CXADR: variants seen among roughly 807,000 people sequenced by gnomAD.
CXADR encodes the protein CXADR cell adhesion molecule.
Under a neutral mutation model 40.3 loss-of-function variants are expected in CXADR, and 20 were observed. The ratio of observed to expected loss-of-function variants is 0.50; its 90% CI spans 0.35 to 0.72. The LOEUF (loss-of-function observed/expected upper bound fraction) is 0.72. CXADR is among the 30% of genes least tolerant of loss of function. CXADR has a pLI of 0.01. For missense variants in CXADR, 332 were observed against 449.1 expected (o/e 0.74, Z 2.36); for synonymous variants, 150 against 161.3 (o/e 0.93, Z 0.53).
At chr21:17,624,477 C>T in the CXADR span, among the ~76,000 whole-genome samples, 1 of 152,070 alleles carries the variant, frequency 6.6e-6, no homozygotes, top group African/African-American at 2.4e-5. Flanking sequence ...CTCATGGGTC[C>T]CCATATCTCA....
rs1354885543 is a variant in CXADR at position 17,547,191 on chromosome 21, G to A, written c.208G>A (p.Val70Met). 3 of 1,614,074 alleles carry A rather than the reference G, an allele frequency of 1.9e-6. No homozygotes were observed. The highest frequency in any genetic ancestry group is 1.1e-5 in the South Asian group (1 of 91,092). ...AGCTGATAATCAGAAGGTGGATCAAGTGGTAAGTTTGATATGTCCTTGCTC... is the reference window on the plus strand; with the variant it reads ...AGCTGATAATCAGAAGGTGGATCAAATGGTAAGTTTGATATGTCCTTGCTC... Reference protein sequence around the residue: ...SPADNQKVDQVIILYSGDKIY... With the variant: ...SPADNQKVDQMIILYSGDKIY... The change falls in exon 2 of 7, where the codon GTG becomes ATG. Residue 70 changes from valine (V) to methionine (M), a missense_variant and splice_region_variant. Val to Met is a conservative substitution (Grantham distance 21). Around this residue, in one of 3 missense-constraint regions of CXADR, gnomAD observed 162 missense variants for 198.5 expected, o/e 0.82. Coordinates refer to ENST00000284878, the MANE Select transcript of CXADR (RefSeq NM_001338.5).
intron 1 of CXADR, among the ~76,000 whole-genome samples, chr21:17,523,144 T>C (rs80256373): frequency 6.6e-6 from 1 of 152,308 alleles, no homozygotes; most frequent in African/African-American, 2.4e-5. Context: ...AGGCACATCC[T>C]GTTACTTACT....
intron 1 of CXADR, among the ~76,000 whole-genome samples, chr21:17,545,723 G>GTGACTTAGTTCCCTGTGTGTTTGT (rs2060887656): frequency 6.6e-6 from 1 of 151,544 alleles, no homozygotes; most frequent in African/African-American, 2.4e-5. Context: ...GAAATAAAAA[G>GTGACTTAGTTCCCTGTGTGTTTGT]GGATGAACAG....
At chr21:17,558,386 G>A (rs1254429724) in intron 3 of CXADR, among the ~76,000 whole-genome samples, 2 of 152,052 alleles carry the variant, frequency 1.3e-5, no homozygotes, top group African/African-American at 4.8e-5. Context: ...CACTGTCTTG[G>A]CCTCCAAAGT....
chr21:17,580,171 C>A (rs541239395), intron 7 of CXADR, among the ~76,000 whole-genome samples: 1 of 152,200 alleles, frequency 6.6e-6, no homozygotes, highest in Admixed American at 6.5e-5. Context: ...TGAAAACAGC[C>A]GTTTATTAAA....
At chr21:17,522,286 T>C (rs1476688395) in intron 1 of CXADR, among the ~76,000 whole-genome samples, 1 of 151,800 alleles carries the variant, frequency 6.6e-6, no homozygotes, top group Non-Finnish European at 1.5e-5. Flanking sequence ...GTAGCTGGGA[T>C]TACAGGCATG....
chr21:17,532,554 G>A (rs949496280), intron 1 of CXADR, among the ~76,000 whole-genome samples: 16 of 152,274 alleles, frequency 1.1e-4, no homozygotes, highest in Non-Finnish European at 2.1e-4. Context: ...GGACACCGAT[G>A]ATGTTCTAAT....
intron 1 of CXADR, among the ~76,000 whole-genome samples, chr21:17,528,068 C>CTTTTTTTTTTTT (rs35477813): frequency 4.3e-4 from 34 of 78,346 alleles, no homozygotes; most frequent in East Asian, 1.5e-3. Context: ...TTAGTTCTTT[C>CTTTTTTTTTTTT]TTTTTTTTTT....
chr21:17,551,062 G>C (rs1019860724), intron 2 of CXADR, among the ~76,000 whole-genome samples: 3 of 152,064 alleles, frequency 2.0e-5, no homozygotes, highest in African/African-American at 7.3e-5. Context: ...GTTACACTTG[G>C]TTGGCAAACT....
At chr21:17,539,984 A>C (rs992234613) in intron 1 of CXADR, among the ~76,000 whole-genome samples, 2 of 152,200 alleles carry the variant, frequency 1.3e-5, no homozygotes, top group African/African-American at 2.4e-5. Context: ...AATACCATAG[A>C]TGCCTTAAAC....
At chr21:17,539,759 A>G (rs2060803621) in intron 1 of CXADR, among the ~76,000 whole-genome samples, 1 of 151,964 alleles carries the variant, frequency 6.6e-6, no homozygotes, top group Non-Finnish European at 1.5e-5. Flanking sequence ...TCGTGTCTTT[A>G]TTGGCTAATG....
chr21:17,538,270 G>A (rs949366075), intron 1 of CXADR, among the ~76,000 whole-genome samples: 1 of 152,138 alleles, frequency 6.6e-6, no homozygotes. Flanking sequence ...ACAGTGCTGG[G>A]ATTACAGGTG....
chr21:17,562,580 C>G (rs2061139368), intron 6 of CXADR, among the ~76,000 whole-genome samples: 1 of 152,236 alleles, frequency 6.6e-6, no homozygotes, highest in South Asian at 2.1e-4. Context: ...AAGATGTCAA[C>G]CTGTCCTTTA....
the CXADR span, among the ~76,000 whole-genome samples, chr21:17,601,183 T>C: frequency 1.4e-4 from 21 of 151,100 alleles, no homozygotes; most frequent in African/African-American, 4.9e-4. Context: ...AAAAAGTTGC[T>C]ACGGGATGGT....
At chr21:17,605,055 A>G in the CXADR span, 2 of 1,572,420 alleles carry the variant, frequency 1.3e-6, no homozygotes, top group Admixed American at 1.7e-5. Context: ...TAAACGCCGT[A>G]ATATCTATTC....
the CXADR span, among the ~76,000 whole-genome samples, chr21:17,599,489 T>TTC: frequency 2.7e-5 from 4 of 150,702 alleles, no homozygotes; most frequent in African/African-American, 9.8e-5. Context: ...TTTTTTTTTT[T>TTC]TTTTTGAGAC....
intron 1 of CXADR, among the ~76,000 whole-genome samples, chr21:17,542,604 A>G (rs2060843635): frequency 6.6e-6 from 1 of 152,190 alleles, no homozygotes. Context: ...CCAATATGGG[A>G]TGTGGTTCCG....
intron 1 of CXADR, among the ~76,000 whole-genome samples, chr21:17,538,094 C>T (rs1439154311): frequency 2.6e-5 from 4 of 151,920 alleles, no homozygotes; most frequent in African/African-American, 7.3e-5. Flanking sequence ...CTCCACCTCC[C>T]GGGTTCAAGC....
At chr21:17,622,878 A>G in the CXADR span, among the ~76,000 whole-genome samples, 1 of 152,244 alleles carries the variant, frequency 6.6e-6, no homozygotes, top group African/African-American at 2.4e-5. Context: ...CAGAGCAACA[A>G]CTATTGGGAG....
Sources: allele counts gnomAD v4.1 joint callset (sites outside exome capture counted in the v4.1 genomes callset), GRCh38; gene constraint gnomAD v4.1.1; regional missense constraint gnomAD v4.1.1; transcripts MANE v1.5; gene names NCBI Gene and HGNC (gene_info 2026-07-23, HGNC 2026-07-21).